PCSK5: variants seen among roughly 807,000 people sequenced by gnomAD.
PCSK5 encodes the protein prohormone convertase 5.
In PCSK5, 129 loss-of-function variants were observed where a neutral mutation model predicts 233.2. The observed-to-expected ratio is 0.55, with a 90% CI of 0.48 to 0.64. PCSK5 has a LOEUF of 0.64. PCSK5 is among the 30% of genes least tolerant of loss of function. The pLI, the probability that PCSK5 is intolerant of heterozygous loss-of-function variation, is 0.00. For missense variants in PCSK5, 2,076 were observed against 2,430.1 expected (o/e 0.85, Z 3.06); for synonymous variants, 825 against 879.2 (o/e 0.94, Z 1.09).
intron 1 of PCSK5, among the ~76,000 whole-genome samples, chr9:75,892,018 TGG>T (rs1825631752): frequency 6.6e-6 from 1 of 151,574 alleles, no homozygotes. Flanking sequence ...GAGGTCCGCG[TGG>T]GGGCTCCCGG....
chr9:76,164,281 A>C lies in PCSK5; in HGVS notation c.1619+5110A>C, dbSNP rs1386383254. On this transcript the variant is annotated intron_variant, in intron 12 of 37. Transcript: ENST00000674117. ...CGTGAACCTTCTTCCTTCATTCAAA[A>C]GAAGGTACAGCCTTTGGAGTTAGAC... Among the ~76,000 whole-genome samples the C allele has an allele frequency of 2.0e-5, 3 of 152,214 alleles. No individual in the cohort carries two copies. In the East Asian group the frequency reaches 5.8e-4, roughly 29 times the overall value.
intron 12 of PCSK5, among the ~76,000 whole-genome samples, chr9:76,163,052 G>A (rs1245967210): frequency 2.0e-5 from 3 of 152,236 alleles, no homozygotes; most frequent in South Asian, 2.1e-4. Context: ...GGATGAAGCA[G>A]AGGGGGAGAG....
chr9:76,147,611 G>T (rs569432269), intron 10 of PCSK5, among the ~76,000 whole-genome samples: 1 of 152,320 alleles, frequency 6.6e-6, no homozygotes, highest in East Asian at 1.9e-4. Context: ...GCTTTAGCAA[G>T]TCCTGGGTGA....
At chr9:75,927,276 ATTTG>A (rs1823534442) in intron 1 of PCSK5, among the ~76,000 whole-genome samples, 1 of 152,042 alleles carries the variant, frequency 6.6e-6, no homozygotes, top group South Asian at 2.1e-4. Context: ...CCTTTGGTTA[ATTTG>A]TTTGTAGAAT....
At position 76,354,219 on chromosome 9, in the gene PCSK5, G is replaced by A. The variant is rs551055366; in HGVS notation, c.5254G>A (p.Asp1752Asn). The change falls in exon 37 of 38, where the codon GAC becomes AAC. Residue 1752 changes from aspartate to asparagine, a missense_variant and splice_region_variant. Asp to Asn is a conservative substitution (Grantham distance 23). Around this residue, in one of 6 missense-constraint regions of PCSK5, gnomAD observed 1,510 missense variants for 1,538.1 expected, o/e 0.98. Transcript: ENST00000674117. ...GTGCTGTGACTGCCAGGACACCACGGGTGAGGGAAGAGCAAGAGCAGCCTG... is the reference window on the plus strand; with the variant it reads ...GTGCTGTGACTGCCAGGACACCACGAGTGAGGGAAGAGCAAGAGCAGCCTG... ...QECCDCQDTT[D>N]ECILRTSKVR... 173 of 1,570,526 alleles carry A rather than the reference G, an allele frequency of 1.1e-4. 1 individual carries two copies. In the South Asian group the frequency reaches 1.9e-3, roughly 18 times the overall value.
chr9:76,189,570 TA>T, intron 19 of PCSK5, 60 bp from the exon 20 acceptor site: 1 of 1,012,590 alleles, frequency 9.9e-7, no homozygotes, highest in Non-Finnish European at 1.6e-6. Flanking sequence ...AGGTTGCTAG[TA>T]AACACACCTT....
chr9:76,119,001 A>G (rs1832535710), intron 9 of PCSK5, among the ~76,000 whole-genome samples: 1 of 151,850 alleles, frequency 6.6e-6, no homozygotes, highest in Non-Finnish European at 1.5e-5. Context: ...TTTTTTAACC[A>G]AATAATGTTT....
chr9:75,937,041 T>A (rs1824086282), intron 2 of PCSK5, among the ~76,000 whole-genome samples: 1 of 152,160 alleles, frequency 6.6e-6, no homozygotes. Flanking sequence ...AGTAATAGTT[T>A]GAAAGGAACC....
At chr9:76,287,249 C>A in intron 24 of PCSK5, 1 of 223,738 alleles carries the variant, frequency 4.5e-6, no homozygotes, top group South Asian at 8.0e-5. Context: ...CCTCTCTTAC[C>A]CTCTCCCTTC....
chr9:75,945,837 CT>C (rs1340415608), intron 2 of PCSK5, among the ~76,000 whole-genome samples: 1 of 152,192 alleles, frequency 6.6e-6, no homozygotes, highest in Non-Finnish European at 1.5e-5. Context: ...TGGATGCCTT[CT>C]CAGCCTTCAT....
In PCSK5 at chr9:75,950,497, G is replaced by T. The variant is rs767858962; in HGVS notation, c.297+18014G>T. Among the ~76,000 whole-genome samples the T allele has an allele frequency of 1.1e-3, 169 of 152,270 alleles. 1 individual carries two copies. The highest frequency in any genetic ancestry group is 6.8e-3 in the Middle Eastern group (2 of 294). On this transcript the variant is annotated intron_variant, in intron 2 of 37. Coordinates refer to ENST00000674117, the MANE Select transcript of PCSK5 (RefSeq NM_001372043.1). ...CAGACTAACAGCTGATCTCTCGGCA[G>T]AAACTCTACAAGCCAGAAGAGAGTG...
chr9:76,071,486 C>A (rs1379287426), intron 6 of PCSK5, among the ~76,000 whole-genome samples: 1 of 151,970 alleles, frequency 6.6e-6, no homozygotes, highest in African/African-American at 2.4e-5. Context: ...AGGAAAGGAA[C>A]CTTAGAAAAA....
rs544042557 is a variant in PCSK5, at chr9:76,088,865, G to A, written c.895-7025G>A. On this transcript the variant is annotated intron_variant, in intron 7 of 37. Coordinates refer to ENST00000674117, the MANE Select transcript of PCSK5 (RefSeq NM_001372043.1). Reference sequence around the variant, plus strand: ...TTCAGAATTCTGGAACAAACGTTTTGTGTGAGTGCTACAAAAAACAGTAGT... The same window carrying A: ...TTCAGAATTCTGGAACAAACGTTTTATGTGAGTGCTACAAAAAACAGTAGT... 3.0e-4 allele frequency among the ~76,000 whole-genome samples: 45 copies of A among 151,696 alleles called. 1 individual carries two copies. Among genetic ancestry groups the A allele is most frequent in the South Asian group, 1.7e-3 (8 of 4,802 alleles).
intron 1 of PCSK5, among the ~76,000 whole-genome samples, chr9:75,906,294 C>T (rs1166092228): frequency 2.0e-5 from 3 of 152,004 alleles, no homozygotes; most frequent in African/African-American, 7.3e-5. Flanking sequence ...GGCGCAATCT[C>T]GGCTCACTGC....
At chr9:75,969,858 G>A (rs1825743234) in intron 2 of PCSK5, among the ~76,000 whole-genome samples, 1 of 151,240 alleles carries the variant, frequency 6.6e-6, no homozygotes, top group African/African-American at 2.4e-5. Context: ...CGGGTTCCTT[G>A]GACTCCAGAA....
intron 20 of PCSK5, among the ~76,000 whole-genome samples, chr9:76,216,844 T>C (rs1346112443): frequency 6.6e-6 from 1 of 152,228 alleles, no homozygotes; most frequent in Non-Finnish European, 1.5e-5. Context: ...TACGCATTTC[T>C]TTTTTTGTTT....
At position 76,332,473 on chromosome 9, in the gene PCSK5, C is replaced by T. The variant is rs768975321; in HGVS notation, c.4611C>T (p.Ala1537=). The change falls in exon 34 of 38, where the codon GCC becomes GCT. Residue 1537 remains alanine (A), a synonymous_variant. Transcript: ENST00000674117. ...AGGACTGCCCAGAGGGCTATTATGC[C>T]GATGAGGACAGCAACCGGTGTGCCC... ...CVKDCPEGYY[A]DEDSNRCAHC... is the part of the protein sequence containing the mutation. The T allele has an allele frequency of 7.4e-6, 12 of 1,612,454 alleles. No individual in the cohort carries two copies. Among genetic ancestry groups the T allele is most frequent in the Admixed American group, 1.7e-5 (1 of 59,996 alleles).
chr9:76,340,653 A>AC (rs1311632374), intron 35 of PCSK5, among the ~76,000 whole-genome samples: 3,998 of 151,388 alleles, frequency 0.026, 73 homozygotes, highest in Non-Finnish European at 0.042. Context: ...AAAAAAAAAA[A>AC]AAAAAACTTC....
intron 21 of PCSK5, among the ~76,000 whole-genome samples, chr9:76,227,973 CTT>C (rs1303143941): frequency 1.1e-4 from 15 of 142,668 alleles, no homozygotes; most frequent in Admixed American, 2.1e-4. Context: ...GTGAACTGTT[CTT>C]TTTTTTTTTT....
Sources: allele counts gnomAD v4.1 joint callset (sites outside exome capture counted in the v4.1 genomes callset), GRCh38; gene constraint gnomAD v4.1.1; regional missense constraint gnomAD v4.1.1; transcripts MANE v1.5; gene names NCBI Gene and HGNC (gene_info 2026-07-23, HGNC 2026-07-21).